Variants in MPPED2 observed in about 807,000 individuals in gnomAD.
MPPED2 encodes metallophosphoesterase domain containing 2.
A neutral mutation model predicts 33.0 loss-of-function variants in MPPED2; 5 were observed. The ratio of observed to expected loss-of-function variants is 0.15; its 90% CI spans 0.08 to 0.32. The LOEUF (loss-of-function observed/expected upper bound fraction) is 0.32, where lower values mean the gene tolerates loss of function less well. Among genes scored for constraint, MPPED2 ranks in the 10% least tolerant of loss-of-function variants. MPPED2 has a pLI of 1.00. For synonymous variants in MPPED2, 136 were observed against 141.9 expected (o/e 0.96, Z 0.29); for missense variants, 275 against 372.1 (o/e 0.74, Z 2.15).
intron 4 of MPPED2, among the ~76,000 whole-genome samples, chr11:30,484,111 C>T (rs1951615751): frequency 6.6e-6 from 1 of 152,006 alleles, no homozygotes; most frequent in South Asian, 2.1e-4. Context: ...GAAATTTTAG[C>T]ACCATTTTTT....
intron 6 of MPPED2, among the ~76,000 whole-genome samples, chr11:30,392,693 T>G (rs1226114231): frequency 1.3e-5 from 2 of 152,184 alleles, no homozygotes; most frequent in Admixed American, 1.3e-4. Context: ...TTCCCTTGGA[T>G]TTCCCTGAGC....
At chr11:30,398,105 C>T (rs1947861199) in intron 6 of MPPED2, among the ~76,000 whole-genome samples, 1 of 152,124 alleles carries the variant, frequency 6.6e-6, no homozygotes, top group Non-Finnish European at 1.5e-5. Flanking sequence ...TGATTCCTAT[C>T]AGTACCTCAA....
At chr11:30,541,635 T>C (rs1412544020) in intron 2 of MPPED2, among the ~76,000 whole-genome samples, 1 of 152,186 alleles carries the variant, frequency 6.6e-6, no homozygotes, top group Non-Finnish European at 1.5e-5. Context: ...AGACAGTGTC[T>C]AAACTCAAGT....
In MPPED2 at chr11:30,535,823, T is replaced by C. The variant is rs72890830; in HGVS notation, c.310+171A>G. On this transcript the variant is annotated intron_variant, in intron 3 of 6. Transcript: ENST00000358117. ...AAAGGATGCACAGTAAAATTAAATA[T>C]CTAAAAATTCATCTTTAATTAACAG... 0.013 allele frequency among the ~76,000 whole-genome samples: 1,913 copies of C among 152,166 alleles called. 18 individuals carry two copies. The highest frequency in any genetic ancestry group is 0.016 in the Non-Finnish European group (1,092 of 68,020).
chr11:30,586,713 G>C (rs1175923066), upstream of MPPED2: 2 of 152,228 alleles, frequency 1.3e-5, no homozygotes, highest in Non-Finnish European at 2.9e-5. This position sits in a 1 kb window ranked among gnomAD's most constrained non-coding sequence, Gnocchi z 4.8. Context: ...TCTGCAAAGA[G>C]AACACCCAGC....
intron 4 of MPPED2, among the ~76,000 whole-genome samples, chr11:30,476,721 A>G (rs934212504): frequency 4.6e-5 from 7 of 152,006 alleles, no homozygotes; most frequent in Non-Finnish European, 1.0e-4. Context: ...ACTATTCGAA[A>G]TCTTTTTTTA....
At chr11:30,391,031 G>A (rs1947766966) in intron 6 of MPPED2, among the ~76,000 whole-genome samples, 1 of 152,134 alleles carries the variant, frequency 6.6e-6, no homozygotes, top group South Asian at 2.1e-4. Context: ...AAATTATAGT[G>A]CACAGGGGCC....
In MPPED2 at chr11:30,390,566, G is replaced by A. The variant is rs541822648; in HGVS notation, c.767-1610C>T. Among the ~76,000 whole-genome samples, 99 of 152,346 alleles carry A rather than the reference G, an allele frequency of 6.5e-4. 1 individual carries two copies. The highest frequency in any genetic ancestry group is 1.9e-3 in the South Asian group (9 of 4,826). On this transcript the variant is annotated intron_variant, in intron 6 of 6. Transcript: ENST00000448418. The stretch of plus-strand genomic sequence containing the variant: ...CATTGATTGCCCTGTGGCAGGCGCT[G>A]AAATATGTCAACCAAGAGTGCACCC...
At position 30,580,445 on chromosome 11, in the gene MPPED2, C is replaced by T. The variant is rs1309362595; in HGVS notation, c.-72G>A. ...AGATGGAAGCAGGCATGGTGCGTTT[C>T]AGCCAACCTCTGAATCCAAGGATCT... On this transcript the variant is annotated 5_prime_UTR_variant, in exon 2 of 7. An upstream open reading frame in the 5' UTR loses its in-frame stop. Coordinates refer to ENST00000358117, the MANE Select transcript of MPPED2 (RefSeq NM_001584.3). 1 of 1,579,018 alleles carries T rather than the reference C, an allele frequency of 6.3e-7. No individual in the cohort carries two copies. The highest frequency in any genetic ancestry group is 8.6e-7 in the Non-Finnish European group (1 of 1,159,978).
intron 2 of MPPED2, among the ~76,000 whole-genome samples, chr11:30,552,031 C>T (rs964051247): frequency 2.0e-5 from 3 of 152,174 alleles, no homozygotes; most frequent in African/African-American, 7.2e-5. Context: ...GTTCCAAATA[C>T]AGGTCTCTCA....
chr11:30,518,287 C>T (rs1367333568), intron 3 of MPPED2, among the ~76,000 whole-genome samples: 2 of 152,250 alleles, frequency 1.3e-5, no homozygotes, highest in Non-Finnish European at 2.9e-5. Flanking sequence ...TGCTCTTCTG[C>T]TCCATGCACA....
At chr11:30,517,599 A>G (rs1356818333) in intron 3 of MPPED2, among the ~76,000 whole-genome samples, 4 of 152,096 alleles carry the variant, frequency 2.6e-5, no homozygotes, top group African/African-American at 9.7e-5. Flanking sequence ...GTGTAGGCCT[A>G]TGTGTCTGGG....
intron 6 of MPPED2, among the ~76,000 whole-genome samples, chr11:30,399,253 A>G (rs1183931022): frequency 6.6e-6 from 1 of 152,178 alleles, no homozygotes; most frequent in East Asian, 1.9e-4. Flanking sequence ...TTTTCTCATT[A>G]ACACTGTTGT....
intron 2 of MPPED2, among the ~76,000 whole-genome samples, chr11:30,550,062 C>T (rs1273488170): frequency 6.6e-6 from 1 of 152,150 alleles, no homozygotes; most frequent in Non-Finnish European, 1.5e-5. Context: ...GTGCTAATGA[C>T]TCAACATTTT....
chr11:30,505,179 C>G (rs1952763988), intron 3 of MPPED2, among the ~76,000 whole-genome samples: 1 of 152,118 alleles, frequency 6.6e-6, no homozygotes, highest in Non-Finnish European at 1.5e-5. Flanking sequence ...ATTTTTAGAC[C>G]ACGAAAACTG....
chr11:30,454,812 C>G (rs1282947956), intron 4 of MPPED2, among the ~76,000 whole-genome samples: 1 of 152,072 alleles, frequency 6.6e-6, no homozygotes, highest in Non-Finnish European at 1.5e-5. Context: ...GACCAAAGCA[C>G]TTAAAAAAAA....
intron 4 of MPPED2, among the ~76,000 whole-genome samples, chr11:30,427,303 C>T (rs1041906291): frequency 2.6e-5 from 4 of 152,252 alleles, no homozygotes; most frequent in South Asian, 2.1e-4. Context: ...AATTTTATTA[C>T]GTTTGATTTC....
chr11:30,545,604 G>A (rs1955375207), intron 2 of MPPED2, among the ~76,000 whole-genome samples: 2 of 152,052 alleles, frequency 1.3e-5, no homozygotes, highest in African/African-American at 4.8e-5. Context: ...CACTGTACAG[G>A]GCACTTTACA....
At chr11:30,508,515 G>A (rs1275805696) in intron 3 of MPPED2, among the ~76,000 whole-genome samples, 10 of 152,142 alleles carry the variant, frequency 6.6e-5, no homozygotes, top group South Asian at 4.1e-4. Context: ...CCACAACTGT[G>A]AGAAAATAAA....
Sources: allele counts gnomAD v4.1 joint callset (sites outside exome capture counted in the v4.1 genomes callset), GRCh38; gene constraint gnomAD v4.1.1; non-coding constraint Gnocchi (gnomAD v3.1); transcripts MANE v1.5; gene names NCBI Gene and HGNC (gene_info 2026-07-23, HGNC 2026-07-21).